The following LZTR1 variants were observed in gnomAD, a reference collection of about 807,000 sequenced individuals.
LZTR1 encodes leucine-zipper-like transcriptional regulator 1.
In LZTR1, 260 loss-of-function variants were observed where a neutral mutation model predicts 105.7. The observed-to-expected ratio is 2.46, with a 90% confidence interval of 2.22 to 2.72. The LOEUF (loss-of-function observed/expected upper bound fraction) is 2.72, where lower values mean the gene tolerates loss of function less well. Among genes scored for constraint, LZTR1 ranks in the 30% most tolerant of loss-of-function variants. LZTR1 has a pLI of 0.00. For missense variants in LZTR1, 1,214 were observed against 1,166.9 expected (o/e 1.04, Z -0.59); for synonymous variants, 490 against 476.4 (o/e 1.03, Z -0.37).
chr22:20,994,211 G>C lies in LZTR1; in HGVS notation c.1557G>C (p.Arg519=). Residue 519 remains arginine, a synonymous_variant, in exon 14 of 21, where the codon CGG becomes CGC. Coordinates refer to ENST00000646124, the MANE Select transcript of LZTR1 (RefSeq NM_006767.4). ...LHVAIREAEA[R]PFEVLMQFLY... ...TGGCCATCCGGGAGGCCGAGGCCCG[G>C]CCCTTCGAGGTGCTCATGCAGTTCC... is the stretch of plus-strand genomic sequence containing the variant. The C allele has an allele frequency of 6.2e-7, 1 of 1,601,808 alleles. No homozygotes were observed. The highest frequency in any genetic ancestry group is 1.1e-5 in the South Asian group (1 of 90,980).
In LZTR1 at chr22:20,994,958, T is replaced by G; in HGVS notation, c.1874T>G (p.Ile625Arg). The G allele has an allele frequency of 6.2e-7, 1 of 1,612,488 alleles. No individual in the cohort carries two copies. The highest frequency in any genetic ancestry group is 8.5e-7 in the Non-Finnish European group (1 of 1,179,264). ...TTCGAGCGCCTCTCCTCTCCACTGATAGTGGAGATTGTGCGGCGGAAGCAG... is the reference window on the plus strand; with the variant it reads ...TTCGAGCGCCTCTCCTCTCCACTGAGAGTGGAGATTGTGCGGCGGAAGCAG... The part of the protein sequence containing the change: ...KEFERLSSPL[I>R]VEIVRRKQQP... The change falls in exon 16 of 21, where the codon ATA (isoleucine) becomes AGA (arginine). Residue 625 changes from isoleucine (I) to arginine (R), a missense_variant. By Grantham distance (97) the Ile-to-Arg change is moderately conservative. Transcript: ENST00000646124.
intron 11 of LZTR1, 27 bp downstream of exon 11, chr22:20,992,931 C>A: frequency 1.4e-6 from 2 of 1,465,654 alleles, no homozygotes; most frequent in South Asian, 1.2e-5. Flanking sequence ...CCTGTAGAGC[C>A]GGCTGGGTGG....
intron 7 of LZTR1, 110 bp downstream of exon 7, chr22:20,989,792 G>GA: frequency 8.3e-7 from 1 of 1,211,048 alleles, no homozygotes; most frequent in Non-Finnish European, 1.2e-6. Context: ...CAGGTGGAGG[G>GA]AGGTGGGAGG....
intron 4 of LZTR1, 39 bp downstream of exon 4, chr22:20,987,622 G>A (rs775630600): frequency 1.3e-5 from 20 of 1,556,980 alleles, no homozygotes; most frequent in South Asian, 2.2e-5. Flanking sequence ...GTGTCGCCCC[G>A]AGGCCCACAG....
rs780301781 is a variant in LZTR1, at chr22:20,982,416, C to T, written c.45C>T (p.Ala15=). The change falls in exon 1 of 21, where the codon GCC becomes GCT. Residue 15 remains alanine (A), a synonymous_variant. Transcript: ENST00000646124. Reference sequence around the variant, plus strand: ...CGGGGGGGCAGATCGGGGCTGCGGCCCTGGCAGGCGGCGCGCGGTCCAAGG... The same window carrying T: ...CGGGGGGGCAGATCGGGGCTGCGGCTCTGGCAGGCGGCGCGCGGTCCAAGG... ...GSTGGQIGAA[A]LAGGARSKVA... 9 of 1,571,778 alleles carry T rather than the reference C, an allele frequency of 5.7e-6. No individual in the cohort carries two copies. Among genetic ancestry groups the T allele is most frequent in the Non-Finnish European group, 7.8e-6 (9 of 1,158,118 alleles).
At position 20,994,746 on chromosome 22, in the gene LZTR1, G is replaced by T; in HGVS notation, c.1785+19G>T. On this transcript the variant is annotated intron_variant, in intron 15 of 20. Transcript: ENST00000646124. Reference sequence around the variant, plus strand: ...ACTCAAGGTGTGGGGTGGGGTCAGCGCAATCAGGGTTGGGTGGGGTGTGCT... The same window carrying T: ...ACTCAAGGTGTGGGGTGGGGTCAGCTCAATCAGGGTTGGGTGGGGTGTGCT... 6.2e-7 allele frequency: 1 copy of T among 1,610,356 alleles called. No individual in the cohort carries two copies. Among genetic ancestry groups the T allele is most frequent in the Non-Finnish European group, 8.5e-7 (1 of 1,179,866 alleles).
intron 6 of LZTR1, among the ~76,000 whole-genome samples, chr22:20,989,111 G>T (rs1024599751): frequency 1.1e-4 from 17 of 152,256 alleles, no homozygotes; most frequent in African/African-American, 3.9e-4. Flanking sequence ...AGGATCCTCA[G>T]CCAGGAGTTG....
rs751255482 is a variant in LZTR1 at position 20,994,123 on chromosome 22, C to A, written c.1469C>A (p.Ala490Asp). ...CCACAGAAGCTGGAGCAGGAGGCCG[C>A]CCCAGTTCCCAGGGAGGCCCCCGGC... The part of the protein sequence containing the change: ...RLAQKLEQEA[A>D]PVPREAPGVA... Residue 490 changes from alanine (A) to aspartate (D), a missense_variant, in exon 14 of 21, where the codon GCC (alanine) becomes GAC (aspartate). Physicochemically the swap from Ala to Asp is moderately radical, Grantham distance 126. Transcript: ENST00000646124. 5.0e-6 allele frequency: 8 copies of A among 1,584,584 alleles called. No individual in the cohort carries two copies. The highest frequency in any genetic ancestry group is 1.3e-5 in the African/African-American group (1 of 74,338).
In LZTR1 at chr22:20,997,367, C is replaced by G. The variant is rs1398706895; in HGVS notation, c.*19C>G. On this transcript the variant is annotated 3_prime_UTR_variant, in exon 21 of 21. Coordinates refer to ENST00000646124, the MANE Select transcript of LZTR1 (RefSeq NM_006767.4). The stretch of plus-strand genomic sequence containing the variant: ...CATCTGAGGCCCTGTGGCGCCTGCC[C>G]ATTGTGAAGAATCGCCGTGCCTGCC... 6.4e-7 allele frequency: 1 copy of G among 1,569,576 alleles called. No homozygotes were observed. The highest frequency in any genetic ancestry group is 2.2e-5 in the East Asian group (1 of 44,672).
rs1184475419 is a variant in LZTR1 at position 20,996,073 on chromosome 22, TCTA to T, written c.2185_2187del (p.Tyr729del). On this transcript the variant is annotated inframe_deletion, in exon 18 of 21. Transcript: ENST00000646124. Reference sequence around the variant, plus strand: ...GCCTTCGAGTCCATGCTGCGCTACATCTACTACGGCGAGGTCAACATGCCGCCC... The same window carrying T: ...GCCTTCGAGTCCATGCTGCGCTACATCTACGGCGAGGTCAACATGCCGCCC... The T allele has an allele frequency of 5.0e-6, 8 of 1,613,134 alleles. No individual in the cohort carries two copies. Among genetic ancestry groups the T allele is most frequent in the African/African-American group, 2.7e-5 (2 of 74,874 alleles).
chr22:20,994,221 GT>G lies in LZTR1; in HGVS notation c.1568del (p.Val523GlyfsTer33), dbSNP rs990151749. 1.2e-6 allele frequency: 2 copies of G among 1,600,984 alleles called. No individual in the cohort carries two copies. The highest frequency in any genetic ancestry group is 1.7e-6 in the Non-Finnish European group (2 of 1,179,444). Reference sequence around the variant, plus strand: ...GGAGGCCGAGGCCCGGCCCTTCGAGGTGCTCATGCAGTTCCTCTACACCGAC... The same window carrying G: ...GGAGGCCGAGGCCCGGCCCTTCGAGGGCTCATGCAGTTCCTCTACACCGAC... ...IREAEARPFE[V>X]LMQFLYTDKI... On this transcript the variant is annotated frameshift_variant, in exon 14 of 21. Coordinates refer to ENST00000646124, the MANE Select transcript of LZTR1 (RefSeq NM_006767.4). LOFTEE classifies it high-confidence loss of function.
In LZTR1 at chr22:20,996,813, G is replaced by T; in HGVS notation, c.2325+12G>T. The T allele has an allele frequency of 6.2e-7, 1 of 1,613,502 alleles. No individual in the cohort carries two copies. Among genetic ancestry groups the T allele is most frequent in the Non-Finnish European group, 8.5e-7 (1 of 1,179,874 alleles). Reference sequence around the variant, plus strand: ...AGAACGTGCTGCAGGTAGCCCCCCAGCCCCGTGCACATGGCTGCAGCTCCC... The same window carrying T: ...AGAACGTGCTGCAGGTAGCCCCCCATCCCCGTGCACATGGCTGCAGCTCCC... On this transcript the variant is annotated intron_variant, in intron 19 of 20. Coordinates refer to ENST00000646124, the MANE Select transcript of LZTR1 (RefSeq NM_006767.4).
chr22:20,997,213 C>T lies in LZTR1; in HGVS notation c.2407-19C>T, dbSNP rs151123840. On this transcript the variant is annotated intron_variant, in intron 20 of 20. Coordinates refer to ENST00000646124, the MANE Select transcript of LZTR1 (RefSeq NM_006767.4). ...AGGTGGATCTGGTCCCATCTCCTTC[C>T]GGCCTGCTTGCCTTACAGGTCTCCA... 7.5e-4 allele frequency: 1,156 copies of T among 1,550,368 alleles called. 12 individuals are homozygous for T. The East Asian group carries it at 0.016, about 21-fold the overall frequency.
At position 20,997,370 on chromosome 22, in the gene LZTR1, T is replaced by G. The variant is rs1293634348; in HGVS notation, c.*22T>G. The stretch of plus-strand genomic sequence containing the variant: ...CTGAGGCCCTGTGGCGCCTGCCCAT[T>G]GTGAAGAATCGCCGTGCCTGCCTGC... On this transcript the variant is annotated 3_prime_UTR_variant, in exon 21 of 21. Coordinates refer to ENST00000646124, the MANE Select transcript of LZTR1 (RefSeq NM_006767.4). 6.4e-7 allele frequency: 1 copy of G among 1,560,322 alleles called. No homozygotes were observed.
Position 20,994,017 on chromosome 22 carries a change from C to T in LZTR1, c.1447C>T (p.Gln483Ter), listed in dbSNP as rs752547717. Residue 483 changes from glutamine (Q) to a stop codon, truncating the protein, a stop_gained and splice_region_variant, in exon 13 of 21, where the codon CAG becomes TAG. Transcript: ENST00000646124. LOFTEE classifies it high-confidence loss of function. ...KITQARERLA[Q>*]KLEQEAAPVP... is the part of the protein sequence containing the mutation. ...CACGCAGGCGCGGGAGAGGCTGGCCCAGGTGAGGTGCCTAACCGCCCTGCC... is the reference window on the plus strand; with the variant it reads ...CACGCAGGCGCGGGAGAGGCTGGCCTAGGTGAGGTGCCTAACCGCCCTGCC... 2.5e-6 allele frequency: 4 copies of T among 1,606,292 alleles called. No individual in the cohort carries two copies. Among genetic ancestry groups the T allele is most frequent in the Non-Finnish European group, 3.4e-6 (4 of 1,177,850 alleles).
In LZTR1 at chr22:20,994,009, G is replaced by A. The variant is rs1924708834; in HGVS notation, c.1439G>A (p.Arg480Lys). Residue 480 changes from arginine (R) to lysine (K), a missense_variant, in exon 13 of 21, where the codon AGG (arginine) becomes AAG (lysine). Physicochemically the swap from Arg to Lys is conservative, Grantham distance 26. Coordinates refer to ENST00000646124, the MANE Select transcript of LZTR1 (RefSeq NM_006767.4). ...LRRKITQARE[R>K]LAQKLEQEAA... ...AGGAAGATCACGCAGGCGCGGGAGAGGCTGGCCCAGGTGAGGTGCCTAACC... is the reference window on the plus strand; with the variant it reads ...AGGAAGATCACGCAGGCGCGGGAGAAGCTGGCCCAGGTGAGGTGCCTAACC... The A allele has an allele frequency of 1.9e-6, 3 of 1,607,994 alleles. No homozygotes were observed. Among genetic ancestry groups the A allele is most frequent in the Middle Eastern group, 3.5e-4 (2 of 5,680 alleles).
At chr22:20,983,642 C>T (rs1924276612) in intron 2 of LZTR1, among the ~76,000 whole-genome samples, 1 of 152,236 alleles carries the variant, frequency 6.6e-6, no homozygotes, top group African/African-American at 2.4e-5. Flanking sequence ...AGCCCTGCCT[C>T]TCAGCCCCAG....
Position 20,994,602 on chromosome 22 carries a change from G to C in LZTR1, c.1660G>C (p.Ala554Pro). The C allele has an allele frequency of 1.9e-6, 3 of 1,612,430 alleles. No individual in the cohort carries two copies. Among genetic ancestry groups the C allele is most frequent in the South Asian group, 2.2e-5 (2 of 91,082 alleles). Residue 554 changes from alanine (A) to proline (P), a missense_variant, in exon 15 of 21, where the codon GCA (alanine) becomes CCA (proline). Physicochemically the swap from Ala to Pro is conservative, Grantham distance 27. Coordinates refer to ENST00000646124, the MANE Select transcript of LZTR1 (RefSeq NM_006767.4). ...GCTCATCATGGATGTGTACAAACTGGCACTGAGCTTCCAGTTGTGCCGCCT... is the reference window on the plus strand; with the variant it reads ...GCTCATCATGGATGTGTACAAACTGCCACTGAGCTTCCAGTTGTGCCGCCT... ...VLLIMDVYKL[A>P]LSFQLCRLEQ...
intron 13 of LZTR1, 41 bp downstream of exon 13, chr22:20,994,060 C>A: frequency 6.3e-7 from 1 of 1,587,560 alleles, no homozygotes; most frequent in Non-Finnish European, 8.6e-7. Context: ...GGCAGCCATG[C>A]CTGGTGTCCA....
Sources: allele counts gnomAD v4.1 joint callset (sites outside exome capture counted in the v4.1 genomes callset), GRCh38; gene constraint gnomAD v4.1.1; transcripts MANE v1.5; gene names NCBI Gene and HGNC (gene_info 2026-07-23, HGNC 2026-07-21).